Variants in ZNF701 observed in about 807,000 individuals in gnomAD.
The protein encoded by ZNF701 is zinc finger protein 701.
A neutral mutation model predicts 7.1 loss-of-function variants in ZNF701; 6 were observed. The ratio of observed to expected loss-of-function variants is 0.84; its 90% CI spans 0.46 to 1.66. The LOEUF is 1.66. ZNF701 is among the 40% of genes most tolerant of loss of function. ZNF701 has a pLI of 0.01. For synonymous variants in ZNF701, 166 were observed against 188.2 expected, an observed-to-expected ratio of 0.88 and a Z score of 0.97; for missense variants, 541 against 559.2, an observed-to-expected ratio of 0.97 and a Z score of 0.33.
chr19:52,575,970 A>T lies in ZNF701; in HGVS notation c.91A>T (p.Thr31Ser). The change falls in exon 3 of 4, where the codon ACT becomes TCT. Residue 31 changes from threonine (T) to serine (S), a missense_variant. Thr to Ser is a moderately conservative substitution (Grantham distance 58, BLOSUM62 1). Coordinates refer to ENST00000391785, the MANE Select transcript of ZNF701 (RefSeq NM_018260.3). ...EWKCLDPAQR[T>S]LYRDVMLENY... ...GAAATGCCTGGACCCTGCTCAGAGG[A>T]CTCTATACAGAGACGTGATGCTGGA... 1.3e-6 allele frequency: 2 copies of T among 1,586,062 alleles called. No homozygotes were observed. The highest frequency in any genetic ancestry group is 1.7e-6 in the Non-Finnish European group (2 of 1,171,722).
chr19:52,577,448 A>G (rs1399117809), intron 3 of ZNF701, among the ~76,000 whole-genome samples: 1 of 152,008 alleles, frequency 6.6e-6, no homozygotes, highest in Non-Finnish European at 1.5e-5. Flanking sequence ...AGTTACAATA[A>G]GAAGAGTCAT....
intron 2 of ZNF701, chr19:52,575,693 A>G (rs1455781076): frequency 4.9e-6 from 2 of 407,640 alleles, no homozygotes; most frequent in Non-Finnish European, 9.0e-6. Context: ...TAAGCAATTC[A>G]TACTGAGAGG....
chr19:52,578,797 G>A (rs192851189), intron 3 of ZNF701, among the ~76,000 whole-genome samples: 372 of 152,194 alleles, frequency 2.4e-3, no homozygotes, highest in African/African-American at 6.7e-3. Context: ...TTGCTCTGTC[G>A]CCCAGGCTGG....
rs1198947253 is a variant in ZNF701, at chr19:52,582,261, G to A, written c.202G>A (p.Val68Met). 6.2e-7 allele frequency: 1 copy of A among 1,609,786 alleles called. No individual in the cohort carries two copies. Among genetic ancestry groups the A allele is most frequent in the Admixed American group, 1.7e-5 (1 of 59,302 alleles). Residue 68 changes from valine (V) to methionine (M), a missense_variant, in exon 4 of 4, where the codon GTG (valine) becomes ATG (methionine). Physicochemically the swap from Val to Met is conservative, Grantham distance 21 (BLOSUM62 1). Transcript: ENST00000391785. Reference sequence around the variant, plus strand: ...ATCAACAGGACAAGGCAATACAGAAGTGGTCCACACAGGGACATTGCAAAT... The same window carrying A: ...ATCAACAGGACAAGGCAATACAGAAATGGTCCACACAGGGACATTGCAAAT... ...FSSTGQGNTE[V>M]VHTGTLQIHA...
At chr19:52,596,155 A>C in the ZNF701 span, 22 of 736,540 alleles carry the variant, frequency 3.0e-5, no homozygotes, top group Non-Finnish European at 4.2e-5. Flanking sequence ...ATCATAGCTC[A>C]TGTTTAAGGA....
intron 3 of ZNF701, among the ~76,000 whole-genome samples, chr19:52,581,505 C>G (rs1422340004): frequency 6.6e-6 from 1 of 152,052 alleles, no homozygotes; most frequent in Non-Finnish European, 1.5e-5. Flanking sequence ...CAGGCGTGAA[C>G]CACCATGCCC....
At chr19:52,587,832 A>G (rs531993404), downstream of ZNF701, among the ~76,000 whole-genome samples, 17 of 152,340 alleles carry the variant, frequency 1.1e-4, no homozygotes, top group South Asian at 2.1e-4. Context: ...CAATAATACA[A>G]TGGCACTGGT....
chr19:52,573,979 T>C, intron 1 of ZNF701, 98 bp from the exon 2 acceptor site: 4 of 1,287,356 alleles, frequency 3.1e-6, no homozygotes, highest in Non-Finnish European at 4.3e-6. Context: ...GAGGTGACCA[T>C]ATTTTTTCAG....
At chr19:52,575,679 A>G (rs1295970486) in intron 2 of ZNF701, 6 of 378,580 alleles carry the variant, frequency 1.6e-5, no homozygotes, top group Non-Finnish European at 2.5e-5. Flanking sequence ...ATTTATTTCT[A>G]ACGTAAGCAA....
chr19:52,582,566 C>T lies in ZNF701; in HGVS notation c.507C>T (p.Asn169=), dbSNP rs148977090. 1,121 of 1,614,164 alleles carry T rather than the reference C, an allele frequency of 6.9e-4. 1 individual carries two copies. Among genetic ancestry groups the T allele is most frequent in the Non-Finnish European group, 8.7e-4 (1,022 of 1,180,024 alleles). Residue 169 remains asparagine (N), a synonymous_variant, in exon 4 of 4, where the codon AAC becomes AAT. Transcript: ENST00000391785. ...KIGNQVEKAI[N]DAFSVSASQR... Reference sequence around the variant, plus strand: ...GTAATCAAGTTGAGAAGGCTATCAACGATGCTTTCTCAGTTTCAGCATCCC... The same window carrying T: ...GTAATCAAGTTGAGAAGGCTATCAATGATGCTTTCTCAGTTTCAGCATCCC...
chr19:52,574,222 G>T (rs2059918593), intron 2 of ZNF701, 60 bp downstream of exon 2: 4 of 1,594,890 alleles, frequency 2.5e-6, no homozygotes, highest in Non-Finnish European at 3.4e-6. Context: ...GCTGATCTTG[G>T]AGTTGGGAAT....
chr19:52,597,370 G>A, the ZNF701 span: 1 of 538,386 alleles, frequency 1.9e-6, no homozygotes, highest in Non-Finnish European at 3.8e-6. Context: ...AAGGTCTTCA[G>A]TCTGTGGGCA....
intron 1 of ZNF701, among the ~76,000 whole-genome samples, chr19:52,571,647 A>G (rs755095181): frequency 6.6e-6 from 1 of 152,090 alleles, no homozygotes; most frequent in Non-Finnish European, 1.5e-5. Context: ...GGCGTGAGCC[A>G]CCGCACCTGG....
rs1014904566 is a variant in ZNF701, at chr19:52,572,288, C to A, written c.-71-1789C>A. 3.2e-5 allele frequency: 24 copies of A among 758,976 alleles called. No individual in the cohort carries two copies. In the African/African-American group the frequency reaches 3.6e-4, roughly 11 times the overall value. 47.0% of individuals were successfully genotyped at this position (758,976 alleles called of 1,614,324 possible). ...CAGGATGGTCTCGAACTCCCGACAT[C>A]AGGTGATCCGCCTGCCTCGGCCTCC... On this transcript the variant is annotated intron_variant, in intron 1 of 3. Coordinates refer to ENST00000391785, the MANE Select transcript of ZNF701 (RefSeq NM_018260.3).
At chr19:52,576,767 G>A (rs578062212) in intron 3 of ZNF701, among the ~76,000 whole-genome samples, 2 of 152,234 alleles carry the variant, frequency 1.3e-5, no homozygotes, top group African/African-American at 2.4e-5. Context: ...ATATAGGGCT[G>A]GGACTCTACA....
At chr19:52,580,903 C>T (rs1242547525) in intron 3 of ZNF701, among the ~76,000 whole-genome samples, 1 of 79,364 alleles carries the variant, frequency 1.3e-5, no homozygotes, top group Admixed American at 1.3e-4. Flanking sequence ...ACATGTGGAT[C>T]ACCTGAGGTC....
intron 1 of ZNF701, chr19:52,572,612 T>C: frequency 2.8e-6 from 1 of 351,018 alleles, no homozygotes; most frequent in South Asian, 2.2e-5. Context: ...TCTCAGACCT[T>C]CTCAGCGTGA....
intron 1 of ZNF701, chr19:52,572,391 A>C (rs1460935452): frequency 7.8e-7 from 1 of 1,288,108 alleles, no homozygotes; most frequent in Non-Finnish European, 1.0e-6. Flanking sequence ...GTCTTTGTAC[A>C]TCTGCATTTT....
intron 3 of ZNF701, among the ~76,000 whole-genome samples, chr19:52,578,278 AG>A (rs1473148972): frequency 2.3e-4 from 34 of 149,518 alleles, no homozygotes; most frequent in African/African-American, 7.9e-4. Flanking sequence ...AAAAAAAAAA[AG>A]AAGTGTATAG....
Sources: allele counts gnomAD v4.1 joint callset (sites outside exome capture counted in the v4.1 genomes callset), GRCh38; gene constraint gnomAD v4.1.1; transcripts MANE v1.5; gene names NCBI Gene and HGNC (gene_info 2026-07-23, HGNC 2026-07-21).